Variants in C6 observed in about 807,000 individuals in gnomAD.
C6 encodes complement component C6.
C6 carries 101 observed loss-of-function variants against 112.9 expected under a neutral mutation model. The observed-to-expected ratio is 0.89, with a 90% CI of 0.76 to 1.06. The LOEUF (loss-of-function observed/expected upper bound fraction) is 1.06, where lower values mean the gene tolerates loss of function less well. C6 is among the 50% of genes least tolerant of loss of function. The pLI, the probability that C6 is intolerant of heterozygous loss-of-function variation, is 0.00. For missense variants in C6, 1,202 were observed against 1,104.6 expected (o/e 1.09, Z -1.25); for synonymous variants, 431 against 384.1 (o/e 1.12, Z -1.43).
At chr5:41,198,465 T>C (rs1048419329) in intron 4 of C6, among the ~76,000 whole-genome samples, 1 of 152,164 alleles carries the variant, frequency 6.6e-6, no homozygotes, top group Non-Finnish European at 1.5e-5. Flanking sequence ...TCCTGGATCA[T>C]GAAAAGATCT....
At position 41,158,602 on chromosome 5, in the gene C6, T is replaced by G. The variant is rs1031743663; in HGVS notation, c.1968+72A>C. 9.1e-5 allele frequency: 74 copies of G among 812,522 alleles called. No individual in the cohort carries two copies. The African/African-American group carries it at 1.1e-3, about 13-fold the overall frequency. 50.3% of individuals were successfully genotyped at this position (812,522 alleles called of 1,614,324 possible). ...TATTCGAATAGGAAAACAGTAACTCTAATTAAAAGACAAGCTATACTTTTC... is the reference window on the plus strand; with the variant it reads ...TATTCGAATAGGAAAACAGTAACTCGAATTAAAAGACAAGCTATACTTTTC... On this transcript the variant is annotated intron_variant, in intron 13 of 17. Transcript: ENST00000337836.
At chr5:41,183,486 T>G (rs1278628885) in intron 6 of C6, among the ~76,000 whole-genome samples, 2 of 152,078 alleles carry the variant, frequency 1.3e-5, no homozygotes, top group Non-Finnish European at 2.9e-5. Flanking sequence ...AAACAACAGA[T>G]GTTGGCAAGG....
chr5:41,159,034 T>G, intron 12 of C6, 48 bp downstream of exon 12: 16 of 1,594,120 alleles, frequency 1.0e-5, no homozygotes, highest in Non-Finnish European at 1.4e-5. Flanking sequence ...TCAATGTTAT[T>G]GAGAGTTAGG....
intron 1 of C6, among the ~76,000 whole-genome samples, chr5:41,250,290 A>G (rs1317122351): frequency 6.6e-6 from 1 of 152,228 alleles, no homozygotes; most frequent in Non-Finnish European, 1.5e-5. Flanking sequence ...CATATGTCAC[A>G]TAACCTTGTG....
chr5:41,156,756 C>G (rs1370477563), intron 13 of C6, among the ~76,000 whole-genome samples: 3 of 152,168 alleles, frequency 2.0e-5, no homozygotes, highest in African/African-American at 7.2e-5. Flanking sequence ...GGGAAATGGA[C>G]TAATGATTTG....
intron 1 of C6, among the ~76,000 whole-genome samples, chr5:41,204,826 C>T (rs1184562613): frequency 6.6e-6 from 1 of 151,906 alleles, no homozygotes; most frequent in African/African-American, 2.4e-5. Flanking sequence ...CTCACCACCA[C>T]ATCCAGCTAA....
chr5:41,163,166 A>T (rs1291697862), intron 9 of C6, among the ~76,000 whole-genome samples: 2 of 151,604 alleles, frequency 1.3e-5, no homozygotes, highest in Non-Finnish European at 2.9e-5. Flanking sequence ...AACAAAAGAA[A>T]AAAAAAAACT....
intron 5 of C6, among the ~76,000 whole-genome samples, chr5:41,190,158 C>T (rs1022850004): frequency 1.3e-5 from 2 of 152,106 alleles, no homozygotes; most frequent in African/African-American, 4.8e-5. Context: ...TATGGCAGTG[C>T]TGTTTGTAGT....
chr5:41,172,453 C>T (rs756422346), intron 8 of C6, 106 bp from the exon 9 acceptor site: 14 of 1,037,888 alleles, frequency 1.3e-5, no homozygotes, highest in East Asian at 5.1e-5. Flanking sequence ...TTTATATTAG[C>T]CCCTCTCTTC....
rs142519688 is a variant in C6 at position 41,191,067 on chromosome 5, C to CTTTTTTTTTT, written c.587+4715_587+4724dup. Among the ~76,000 whole-genome samples the CTTTTTTTTTT allele has an allele frequency of 6.0e-4, 51 of 84,730 alleles. 5 individuals carry two copies. The highest frequency in any genetic ancestry group is 1.3e-3 in the African/African-American group (26 of 20,074). 55.6% of individuals were successfully genotyped at this position (84,730 alleles called of 152,430 possible). On this transcript the variant is annotated intron_variant, in intron 5 of 17. Coordinates refer to ENST00000337836, the MANE Select transcript of C6 (RefSeq NM_000065.5). ...AAATGTAGTAGTGTGATGCCTTTGG[C>CTTTTTTTTTT]TTTTTTTTTTTTTTTTTTTTGCAGA... is the stretch of plus-strand genomic sequence containing the variant.
intron 2 of C6, among the ~76,000 whole-genome samples, chr5:41,202,500 C>A (rs963414810): frequency 1.3e-5 from 2 of 152,102 alleles, no homozygotes; most frequent in Non-Finnish European, 2.9e-5. Context: ...CTAAAAAATT[C>A]TCTAATGGTT....
intron 15 of C6, among the ~76,000 whole-genome samples, chr5:41,153,365 A>G (rs1746592538): frequency 6.6e-6 from 1 of 152,224 alleles, no homozygotes; most frequent in Admixed American, 6.5e-5. Context: ...TTATGAGGAT[A>G]CTGCCTACAG....
In C6 at chr5:41,149,284, T is replaced by C; in HGVS notation, c.2580A>G (p.Glu860=). 6.2e-7 allele frequency: 1 copy of C among 1,614,130 alleles called. No homozygotes were observed. The highest frequency in any genetic ancestry group is 8.5e-7 in the Non-Finnish European group (1 of 1,179,974). The change falls in exon 17 of 18, where the codon GAA becomes GAG. Residue 860 remains glutamate (E), a synonymous_variant. Coordinates refer to ENST00000337836, the MANE Select transcript of C6 (RefSeq NM_000065.5). ...CATAGCAGGTGTCATAGCCACAGGA[T>C]TCTTTCTTTGTGCTGTTGGATGAAA... is the stretch of plus-strand genomic sequence containing the variant. ...TRLSSNSTKK[E]SCGYDTCYDW...
At chr5:41,195,068 C>T (rs907100679) in intron 5 of C6, among the ~76,000 whole-genome samples, 2 of 152,170 alleles carry the variant, frequency 1.3e-5, no homozygotes, top group African/African-American at 2.4e-5. Flanking sequence ...TTCTGGGACT[C>T]GTTTCTCAGT....
intron 9 of C6, among the ~76,000 whole-genome samples, chr5:41,170,023 T>C (rs1357966120): frequency 6.6e-6 from 1 of 152,196 alleles, no homozygotes. Context: ...ATTTCTAGAA[T>C]TTGTCTTGAA....
At chr5:41,250,374 T>C (rs1296200083) in intron 1 of C6, among the ~76,000 whole-genome samples, 2 of 152,220 alleles carry the variant, frequency 1.3e-5, no homozygotes, top group Admixed American at 1.3e-4. Flanking sequence ...AGAGCTGTTG[T>C]CTACCTGTGG....
intron 9 of C6, among the ~76,000 whole-genome samples, chr5:41,165,769 T>C (rs910413102): frequency 6.6e-6 from 1 of 152,128 alleles, no homozygotes. Flanking sequence ...TAAATACTAT[T>C]ATTATTTTTA....
intron 15 of C6, 28 bp downstream of exon 15, chr5:41,153,782 G>C (rs143785652): frequency 4.5e-6 from 7 of 1,570,346 alleles, no homozygotes; most frequent in Non-Finnish European, 6.1e-6. Context: ...CACCTTATCA[G>C]ACCCCAGAAC....
At position 41,256,276 on chromosome 5, in the gene C6, T is replaced by C. The variant is rs111505007; in HGVS notation, c.-21+4918A>G. 1.0e-2 allele frequency among the ~76,000 whole-genome samples: 1,520 copies of C among 152,082 alleles called. 32 individuals carry two copies. The highest frequency in any genetic ancestry group is 0.035 in the African/African-American group (1,445 of 41,462). On this transcript the variant is annotated intron_variant, in intron 1 of 17. Coordinates refer to the C6 transcript ENST00000263413. The stretch of plus-strand genomic sequence containing the variant: ...GTGTGCATGTGTCTTTATAGCAGCA[T>C]GATTTATAGTCATTTGGGTATAGGA...
Sources: gnomAD v4.1 joint callset for allele counts (sites outside exome capture counted in the v4.1 genomes callset) on GRCh38, gnomAD v4.1.1 for gene constraint, MANE v1.5 for transcripts, NCBI Gene and HGNC (gene_info 2026-07-23, HGNC 2026-07-21) for gene names.